The following EFEMP1 variants were observed in gnomAD, a reference collection of about 807,000 sequenced individuals.
EFEMP1 encodes EGF-containing fibulin-like extracellular matrix protein 1.
In EFEMP1, 18 loss-of-function variants were observed where a neutral mutation model predicts 65.7. The observed-to-expected ratio is 0.27, with a 90% CI of 0.19 to 0.41. EFEMP1 has a LOEUF of 0.41. Among genes scored for constraint, EFEMP1 ranks in the 10% least tolerant of loss-of-function variants. EFEMP1 has a pLI of 1.00. For missense variants in EFEMP1, 469 were observed against 624.8 expected (o/e 0.75, Z 2.66); for synonymous variants, 237 against 219.7 (o/e 1.08, Z -0.70).
rs1160194351 is a variant in EFEMP1, at chr2:55,886,257, A to C, written c.518-4523T>G. Among the ~76,000 whole-genome samples the C allele has an allele frequency of 6.6e-6, 1 of 152,148 alleles. No homozygotes were observed. Among genetic ancestry groups the C allele is most frequent in the Non-Finnish European group, 1.5e-5 (1 of 68,014 alleles). On this transcript the variant is annotated intron_variant, in intron 5 of 11. Coordinates refer to ENST00000355426, the MANE Select transcript of EFEMP1 (RefSeq NM_001039348.3). The surrounding 1 kb of genome is among the most constrained non-coding windows in gnomAD (Gnocchi z 4.0). ...TGAAATAGAGAGTCTATCCTCAACA[A>C]TAACACACAGATTTTTAAAAGTATT...
intron 5 of EFEMP1, among the ~76,000 whole-genome samples, chr2:55,916,161 G>GT (rs1670675437): frequency 6.7e-6 from 1 of 149,178 alleles, no homozygotes; most frequent in African/African-American, 2.5e-5. Flanking sequence ...CCAGGCTGGA[G>GT]TGCAGTAGCA....
rs1668751381 is a variant in EFEMP1, at chr2:55,870,256, A to C, written c.1320+464T>G. Among the ~76,000 whole-genome samples the C allele has an allele frequency of 1.3e-5, 2 of 151,936 alleles. No homozygotes were observed. The highest frequency in any genetic ancestry group is 4.8e-5 in the African/African-American group (2 of 41,346). On this transcript the variant is annotated intron_variant, in intron 11 of 11. Coordinates refer to ENST00000355426, the MANE Select transcript of EFEMP1 (RefSeq NM_001039348.3). This position sits in a 1 kb window ranked among gnomAD's most constrained non-coding sequence, Gnocchi z 5.8. ...ACAATGATGAATTCATGATGTCTGA[A>C]AAACTCTTTAGGAGCTCCAGGAATT...
chr2:55,918,546 G>T (rs944095566), intron 3 of EFEMP1, among the ~76,000 whole-genome samples: 6 of 151,060 alleles, frequency 4.0e-5, no homozygotes, highest in African/African-American at 1.5e-4. Context: ...TCTGTTTTGA[G>T]ACTAATCTTC....
At chr2:55,895,604 C>G (rs1055434242) in intron 5 of EFEMP1, among the ~76,000 whole-genome samples, 2 of 150,566 alleles carry the variant, frequency 1.3e-5, no homozygotes, top group East Asian at 2.0e-4. Flanking sequence ...TGCAGTGGCG[C>G]GATCTCGGCT....
intron 4 of EFEMP1, 33 bp downstream of exon 4, chr2:55,918,186 A>G: frequency 1.2e-6 from 2 of 1,614,082 alleles, no homozygotes; most frequent in Non-Finnish European, 8.5e-7. Flanking sequence ...ACAGAAGGCA[A>G]TGATCACATG....
At chr2:55,897,660 T>C (rs1669878385) in intron 5 of EFEMP1, among the ~76,000 whole-genome samples, 1 of 152,194 alleles carries the variant, frequency 6.6e-6, no homozygotes, top group Admixed American at 6.5e-5. Context: ...ATTCTTATGT[T>C]CTTAAATTCT....
intron 5 of EFEMP1, among the ~76,000 whole-genome samples, chr2:55,908,791 C>T (rs1333856362): frequency 6.6e-6 from 1 of 152,074 alleles, no homozygotes; most frequent in Non-Finnish European, 1.5e-5. Context: ...TTAACACTTT[C>T]CCAACCAAAG....
At chr2:55,895,915 C>G (rs904313968) in intron 5 of EFEMP1, among the ~76,000 whole-genome samples, 1 of 152,166 alleles carries the variant, frequency 6.6e-6, no homozygotes, top group Non-Finnish European at 1.5e-5. Context: ...GGGGCAATGG[C>G]TGCTCCTCAC....
Position 55,922,236 on chromosome 2 carries a change from G to A in EFEMP1, c.81+124C>T. The A allele has an allele frequency of 1.1e-6, 1 of 886,484 alleles. No individual in the cohort carries two copies. Among genetic ancestry groups the A allele is most frequent in the Non-Finnish European group, 1.9e-6 (1 of 537,954 alleles). The allele number at this position is 886,484 out of a possible 1,614,324, so 54.9% of individuals were successfully genotyped here. Reference sequence around the variant, plus strand: ...ATCTTAGATATGAAGCATGAATGAAGTGTTGTTTAATTTATCACCCTCAGC... The same window carrying A: ...ATCTTAGATATGAAGCATGAATGAAATGTTGTTTAATTTATCACCCTCAGC... On this transcript the variant is annotated intron_variant, in intron 3 of 11. Transcript: ENST00000355426. This position sits in a 1 kb window ranked among gnomAD's most constrained non-coding sequence, Gnocchi z 5.5.
chr2:55,876,563 T>A, intron 8 of EFEMP1, 60 bp downstream of exon 8: 2 of 1,597,678 alleles, frequency 1.3e-6, no homozygotes, highest in South Asian at 2.2e-5. Flanking sequence ...CATAATCAGA[T>A]AAAACAACAG....
chr2:55,883,946 C>G lies in EFEMP1; in HGVS notation c.518-2212G>C, dbSNP rs569875828. On this transcript the variant is annotated intron_variant, in intron 5 of 11. Coordinates refer to ENST00000355426, the MANE Select transcript of EFEMP1 (RefSeq NM_001039348.3). This position sits in a 1 kb window ranked among gnomAD's most constrained non-coding sequence, Gnocchi z 4.5. ...CACTGTGCTCACTGCCACTACTTTC[C>G]TTCCCTTTCTCCACCAACACCCAAA... Among the ~76,000 whole-genome samples, 29 of 152,272 alleles carry G rather than the reference C, an allele frequency of 1.9e-4. No individual in the cohort carries two copies. Among genetic ancestry groups the G allele is most frequent in the African/African-American group, 7.0e-4 (29 of 41,564 alleles).
intron 5 of EFEMP1, among the ~76,000 whole-genome samples, chr2:55,912,956 C>T (rs1029184540): frequency 6.6e-6 from 1 of 152,112 alleles, no homozygotes; most frequent in African/African-American, 2.4e-5. Context: ...ACACATAAAA[C>T]ATCTAAAACA....
intron 5 of EFEMP1, among the ~76,000 whole-genome samples, chr2:55,911,785 A>G (rs1670490808): frequency 6.6e-6 from 1 of 152,008 alleles, no homozygotes; most frequent in Admixed American, 6.6e-5. Flanking sequence ...TCCACCTCTA[A>G]CGGTTGTCAT....
Position 55,919,992 on chromosome 2 carries a change from C to A in EFEMP1, c.82-1725G>T, listed in dbSNP as rs1670858565. On this transcript the variant is annotated intron_variant, in intron 3 of 11. Transcript: ENST00000355426. The surrounding 1 kb of genome is among the most constrained non-coding windows in gnomAD (Gnocchi z 4.5). ...GCTGCATACAGACCCCATGATCTTT[C>A]TTGTGCTCTTGGTTATGTTGCTCCT... Among the ~76,000 whole-genome samples, 1 of 152,224 alleles carries A rather than the reference C, an allele frequency of 6.6e-6. No individual in the cohort carries two copies. Among genetic ancestry groups the A allele is most frequent in the African/African-American group, 2.4e-5 (1 of 41,448 alleles).
chr2:55,869,946 A>G (rs959143314), intron 11 of EFEMP1, among the ~76,000 whole-genome samples: 3 of 152,152 alleles, frequency 2.0e-5, no homozygotes, highest in Non-Finnish European at 2.9e-5. Context: ...CTCAGAAGCC[A>G]CTGAAGGGAT....
At chr2:55,920,503 G>A (rs1177983216) in intron 3 of EFEMP1, among the ~76,000 whole-genome samples, 1 of 152,218 alleles carries the variant, frequency 6.6e-6, no homozygotes, top group Non-Finnish European at 1.5e-5. Flanking sequence ...TCTTTAATAT[G>A]GAAGAGGACT....
intron 6 of EFEMP1, 97 bp downstream of exon 6, chr2:55,881,515 T>C: frequency 6.6e-7 from 1 of 1,514,540 alleles, no homozygotes; most frequent in Non-Finnish European, 9.1e-7. Flanking sequence ...TGGCTACCAC[T>C]CTCCAAAGAA....
chr2:55,891,660 T>C (rs1312129309), intron 5 of EFEMP1, among the ~76,000 whole-genome samples: 1 of 152,118 alleles, frequency 6.6e-6, no homozygotes, highest in Non-Finnish European at 1.5e-5. Flanking sequence ...AGAAAAGGTT[T>C]CATTGTAAGT....
chr2:55,867,400 C>T lies in EFEMP1; in HGVS notation c.1321-166G>A, dbSNP rs1043795183. 1.1e-4 allele frequency among the ~76,000 whole-genome samples: 17 copies of T among 151,298 alleles called. No individual in the cohort carries two copies. Among genetic ancestry groups the T allele is most frequent in the African/African-American group, 3.6e-4 (15 of 41,168 alleles). ...GGTTTCAACTCTTCTTGGCTCTTAT[C>T]CCTTGTCTAATACAGTCATTAGCTC... On this transcript the variant is annotated intron_variant, in intron 11 of 11. Coordinates refer to ENST00000355426, the MANE Select transcript of EFEMP1 (RefSeq NM_001039348.3). The surrounding 1 kb of genome is among the most constrained non-coding windows in gnomAD (Gnocchi z 4.3).
Sources: allele counts gnomAD v4.1 joint callset (sites outside exome capture counted in the v4.1 genomes callset), GRCh38; gene constraint gnomAD v4.1.1; non-coding constraint Gnocchi (gnomAD v3.1); transcripts MANE v1.5; gene names NCBI Gene and HGNC (gene_info 2026-07-23, HGNC 2026-07-21).